TSPAN9: variants seen among roughly 807,000 people sequenced by gnomAD.
The protein encoded by TSPAN9 is tetraspanin 9.
In TSPAN9, 16 loss-of-function variants were observed where a neutral mutation model predicts 31.0. The ratio of observed to expected loss-of-function variants is 0.52; its 90% CI spans 0.35 to 0.78. The LOEUF (loss-of-function observed/expected upper bound fraction) is 0.78, where lower values mean the gene tolerates loss of function less well. TSPAN9 is among the 30% of genes least tolerant of loss of function. The probability of loss-of-function intolerance (pLI) is 0.01; values close to 1 mark genes in which losing one functional copy is unlikely to be tolerated. For synonymous variants in TSPAN9, 145 were observed against 121.6 expected, an observed-to-expected ratio of 1.19 and a Z score of -1.27; for missense variants, 272 against 312.5, an observed-to-expected ratio of 0.87 and a Z score of 0.98.
chr12:3,174,765 G>A (rs1030458905), intron 2 of TSPAN9, among the ~76,000 whole-genome samples: 2 of 123,232 alleles, frequency 1.6e-5, no homozygotes, highest in Non-Finnish European at 3.9e-5. Context: ...TGTATTTTTA[G>A]TAGAGACGGG....
At chr12:3,097,032 A>G (rs1481927701) in intron 2 of TSPAN9, among the ~76,000 whole-genome samples, 1 of 151,660 alleles carries the variant, frequency 6.6e-6, no homozygotes, top group Non-Finnish European at 1.5e-5. Context: ...CTGGGAGGGG[A>G]GTTATGCTGC....
At chr12:3,091,616 G>A (rs555192264) in intron 2 of TSPAN9, among the ~76,000 whole-genome samples, 19 of 152,324 alleles carry the variant, frequency 1.2e-4, no homozygotes, top group African/African-American at 4.3e-4. Context: ...GTGCAGCAGT[G>A]TTCTTTTGCC....
At position 3,169,108 on chromosome 12, in the gene TSPAN9, C is replaced by T. The variant is rs112378813; in HGVS notation, c.-17-32069C>T. Among the ~76,000 whole-genome samples, 462 of 152,334 alleles carry T rather than the reference C, an allele frequency of 3.0e-3. 2 individuals are homozygous for T. The highest frequency in any genetic ancestry group is 0.011 in the African/African-American group (444 of 41,568). ...CCATTTTCACCCGCCTGTGAGTTCT[C>T]AGGGACCATTCTATCTTCTGCACGT... On this transcript the variant is annotated intron_variant, in intron 2 of 8. Transcript: ENST00000011898.
At chr12:3,260,250 G>A (rs2153978954) in intron 3 of TSPAN9, among the ~76,000 whole-genome samples, 1 of 152,358 alleles carries the variant, frequency 6.6e-6, no homozygotes, top group South Asian at 2.1e-4. Flanking sequence ...AAGTGACTAT[G>A]GAAAGAGCAA....
At chr12:3,210,521 T>A (rs1418489113) in intron 3 of TSPAN9, among the ~76,000 whole-genome samples, 1 of 152,196 alleles carries the variant, frequency 6.6e-6, no homozygotes, top group African/African-American at 2.4e-5. Flanking sequence ...TTCTAACAAT[T>A]TTTAGGAGTT....
intron 3 of TSPAN9, among the ~76,000 whole-genome samples, chr12:3,246,830 G>A (rs2153977664): frequency 6.6e-6 from 1 of 152,338 alleles, no homozygotes; most frequent in Non-Finnish European, 1.5e-5. Flanking sequence ...AACTGCCCTA[G>A]GACCAGGGGG....
rs567640255 is a variant in TSPAN9 at position 3,168,977 on chromosome 12, G to A, written c.-17-32200G>A. ...CATTAAACGGAGCTGGGAACATGAA[G>A]TGTGTGTACGCTTCTCTTTTCGTCA... is the stretch of plus-strand genomic sequence containing the variant. On this transcript the variant is annotated intron_variant, in intron 2 of 8. Coordinates refer to ENST00000011898, the MANE Select transcript of TSPAN9 (RefSeq NM_006675.5). The surrounding 1 kb of genome is among the most constrained non-coding windows in gnomAD (Gnocchi z 4.0). Among the ~76,000 whole-genome samples, 1 of 152,336 alleles carries A rather than the reference G, an allele frequency of 6.6e-6. No individual in the cohort carries two copies. Among genetic ancestry groups the A allele is most frequent in the South Asian group, 2.1e-4 (1 of 4,830 alleles).
chr12:3,090,300 G>A (rs2098303594), intron 2 of TSPAN9, among the ~76,000 whole-genome samples: 2 of 152,192 alleles, frequency 1.3e-5, no homozygotes, highest in South Asian at 2.1e-4. Flanking sequence ...CCAAAATATA[G>A]TGGATTAACA....
At chr12:3,080,483 C>A (rs542120362) in intron 1 of TSPAN9, among the ~76,000 whole-genome samples, 96 of 151,976 alleles carry the variant, frequency 6.3e-4, no homozygotes, top group Non-Finnish European at 1.2e-3. Flanking sequence ...TACAGGCGCC[C>A]GCCATCACCC....
At chr12:3,252,000 G>T (rs957972426) in intron 3 of TSPAN9, among the ~76,000 whole-genome samples, 1 of 152,112 alleles carries the variant, frequency 6.6e-6, no homozygotes, top group Non-Finnish European at 1.5e-5. Context: ...CCACCACATC[G>T]GCCAGCTCTG....
chr12:3,173,639 G>T (rs1184768667), intron 2 of TSPAN9: 4 of 152,254 alleles, frequency 2.6e-5, no homozygotes, highest in Non-Finnish European at 5.9e-5. Flanking sequence ...AGAACTACAG[G>T]TGGACACCAC....
intron 2 of TSPAN9, among the ~76,000 whole-genome samples, chr12:3,115,570 C>T (rs995261624): frequency 8.5e-5 from 13 of 152,182 alleles, no homozygotes; most frequent in African/African-American, 2.9e-4. Flanking sequence ...GGTCCCAGAT[C>T]GGGGTGCCAG....
At chr12:3,200,901 C>T (rs2098371178) in intron 2 of TSPAN9, 1 of 360,498 alleles carries the variant, frequency 2.8e-6, no homozygotes, top group Non-Finnish European at 5.0e-6. Context: ...CTCCTCGCAC[C>T]CCCCGGGAAC....
At chr12:3,149,287 G>A (rs114934929) in intron 2 of TSPAN9, among the ~76,000 whole-genome samples, 2,164 of 152,272 alleles carry the variant, frequency 0.014, 49 homozygotes, top group African/African-American at 0.049. Context: ...GACTTGGGGA[G>A]TGTGAGCTGT....
At chr12:3,198,369 C>A (rs2098368566) in intron 2 of TSPAN9, among the ~76,000 whole-genome samples, 2 of 110,168 alleles carry the variant, frequency 1.8e-5, no homozygotes, top group South Asian at 5.6e-4. Flanking sequence ...CAGGCCACCA[C>A]CAGCACAGGC....
In TSPAN9 at chr12:3,187,456, G is replaced by C. The variant is rs1335982226; in HGVS notation, c.-17-13721G>C. 3.3e-5 allele frequency among the ~76,000 whole-genome samples: 5 copies of C among 152,258 alleles called. No individual in the cohort carries two copies. The highest frequency in any genetic ancestry group is 1.2e-4 in the African/African-American group (5 of 41,560). On this transcript the variant is annotated intron_variant, in intron 2 of 8. Transcript: ENST00000011898. The surrounding 1 kb of genome is among the most constrained non-coding windows in gnomAD (Gnocchi z 5.2). Reference sequence around the variant, plus strand: ...GTCCATAAAAGCAGGGCCCAGCACTGGACCCAGGTAAGGCCGCTTGGTGTA... The same window carrying C: ...GTCCATAAAAGCAGGGCCCAGCACTCGACCCAGGTAAGGCCGCTTGGTGTA...
intron 4 of TSPAN9, 46 bp downstream of exon 4, chr12:3,278,658 T>G: frequency 6.3e-7 from 1 of 1,590,170 alleles, no homozygotes; most frequent in South Asian, 1.2e-5. Context: ...CTGATCTCCT[T>G]GCACTTGGAC....
At chr12:3,082,016 G>A (rs1280054152) in intron 1 of TSPAN9, among the ~76,000 whole-genome samples, 1 of 151,858 alleles carries the variant, frequency 6.6e-6, no homozygotes, top group African/African-American at 2.4e-5. Flanking sequence ...AAAAGTCTGT[G>A]CTAAGTTCTG....
chr12:3,270,076 C>T (rs986264284), intron 3 of TSPAN9, among the ~76,000 whole-genome samples: 14 of 152,220 alleles, frequency 9.2e-5, no homozygotes, highest in Admixed American at 2.6e-4. Flanking sequence ...GGCTGTTCCT[C>T]GGACTTTGTT....
Sources: allele counts gnomAD v4.1 joint callset (sites outside exome capture counted in the v4.1 genomes callset), GRCh38; gene constraint gnomAD v4.1.1; non-coding constraint Gnocchi (gnomAD v3.1); transcripts MANE v1.5; gene names NCBI Gene and HGNC (gene_info 2026-07-23, HGNC 2026-07-21).